Variants in CNTD1 observed in about 807,000 individuals in gnomAD.
CNTD1 encodes the protein cyclin N-terminal domain-containing protein 1.
Under a neutral mutation model 36.3 loss-of-function variants are expected in CNTD1, and 17 were observed. The ratio of observed to expected loss-of-function variants is 0.47; its 90% CI spans 0.32 to 0.70. CNTD1 has a LOEUF of 0.70. CNTD1 is among the 30% of genes least tolerant of loss of function. The pLI is 0.03. For synonymous variants in CNTD1, 128 were observed against 153.3 expected (o/e 0.83, Z 1.22); for missense variants, 338 against 386.1 (o/e 0.88, Z 1.04).
In CNTD1 at chr17:42,807,749, T is replaced by C; in HGVS notation, c.726-19T>C. The C allele has an allele frequency of 1.3e-6, 2 of 1,550,664 alleles. No individual in the cohort carries two copies. Among genetic ancestry groups the C allele is most frequent in the South Asian group, 2.2e-5 (2 of 89,668 alleles). On this transcript the variant is annotated intron_variant, in intron 5 of 6. Coordinates refer to ENST00000588408, the MANE Select transcript of CNTD1 (RefSeq NM_173478.3). ...AGTTCCATTCTAGCTTTAAAATTAA[T>C]GTGGTTTTAATCACTCAGGGAAAAG...
At chr17:42,801,450 C>A (rs2054781483) in intron 1 of CNTD1, among the ~76,000 whole-genome samples, 1 of 137,576 alleles carries the variant, frequency 7.3e-6, no homozygotes, top group Non-Finnish European at 1.5e-5. Context: ...GAGCCAAGAT[C>A]ACGCCATTGC....
Position 42,799,096 on chromosome 17 carries a change from C to G in CNTD1, c.29C>G (p.Ala10Gly). The G allele has an allele frequency of 1.2e-6, 2 of 1,614,048 alleles. No homozygotes were observed. The highest frequency in any genetic ancestry group is 8.5e-7 in the Non-Finnish European group (1 of 1,180,020). ...GACGGACCCATGAGGCCACGATCGG[C>G]CTCCCTCGTTGACTTTCAGTTTGGA... MDGPMRPRS[A>G]SLVDFQFGVV... The change falls in exon 1 of 7, where the codon GCC becomes GGC. Residue 10 changes from alanine (A) to glycine (G), a missense_variant. Ala to Gly is a moderately conservative substitution (Grantham distance 60). Transcript: ENST00000588408.
chr17:42,803,666 G>A lies in CNTD1; in HGVS notation c.216G>A (p.Val72=), dbSNP rs2054830470. 6.2e-7 allele frequency: 1 copy of A among 1,613,922 alleles called. No homozygotes were observed. Among genetic ancestry groups the A allele is most frequent in the Non-Finnish European group, 8.5e-7 (1 of 1,179,966 alleles). The part of the protein sequence containing the change: ...LSEQWCLEKS[V]SYQAVEILER... ...AACAATGGTGTCTGGAGAAATCTGT[G>A]AGCTACCAGGCTGTAGAAATCCTAG... The change falls in exon 2 of 7, where the codon GTG becomes GTA. Residue 72 remains valine, a synonymous_variant. Transcript: ENST00000588408.
chr17:42,799,020 T>C lies in CNTD1; in HGVS notation c.-48T>C, dbSNP rs1392211780. 9 of 1,602,252 alleles carry C rather than the reference T, an allele frequency of 5.6e-6. No homozygotes were observed. The Admixed American group carries it at 1.4e-4, about 25-fold the overall frequency. On this transcript the variant is annotated 5_prime_UTR_variant, in exon 1 of 7. Coordinates refer to ENST00000588408, the MANE Select transcript of CNTD1 (RefSeq NM_173478.3). ...ACTGGAGAGGAGCTAAGGGGGTCGGTATGTGGATCCAGTGAACCCGTCCAG... is the reference window on the plus strand; with the variant it reads ...ACTGGAGAGGAGCTAAGGGGGTCGGCATGTGGATCCAGTGAACCCGTCCAG...
At position 42,809,471 on chromosome 17, in the gene CNTD1, A is replaced by G. The variant is rs755388335; in HGVS notation, c.929A>G (p.Gln310Arg). Residue 310 changes from glutamine to arginine, a missense_variant, in exon 7 of 7, where the codon CAG becomes CGG. Transcript: ENST00000588408. ...HGVGANTPGR[Q>R]QSIPPHLAAR... The stretch of plus-strand genomic sequence containing the variant: ...GTGGGAGCCAACACTCCGGGGAGAC[A>G]GCAGTCTATTCCTCCCCACCTGGCA... 1.2e-6 allele frequency: 2 copies of G among 1,614,224 alleles called. No homozygotes were observed. Among genetic ancestry groups the G allele is most frequent in the African/African-American group, 1.3e-5 (1 of 75,070 alleles).
chr17:42,804,142 A>G, intron 2 of CNTD1, 83 bp from the exon 3 acceptor site: 2 of 1,325,998 alleles, frequency 1.5e-6, no homozygotes, highest in Non-Finnish European at 2.1e-6. Flanking sequence ...CTCAGCCTCA[A>G]ATGTAAATTT....
chr17:42,807,271 C>T (rs548226061), intron 5 of CNTD1, among the ~76,000 whole-genome samples: 11 of 152,112 alleles, frequency 7.2e-5, no homozygotes, highest in South Asian at 4.1e-4. Flanking sequence ...AAAAATTAGC[C>T]GGGCGTGGTG....
rs1334467220 is a variant in CNTD1 at position 42,807,790 on chromosome 17, G to T, written c.748G>T (p.Glu250Ter). 1 of 1,613,952 alleles carries T rather than the reference G, an allele frequency of 6.2e-7. No individual in the cohort carries two copies. Among genetic ancestry groups the T allele is most frequent in the South Asian group, 1.1e-5 (1 of 91,074 alleles). Residue 250 changes from glutamate to a stop codon, truncating the protein, a stop_gained, in exon 6 of 7, where the codon GAA becomes TAA. Coordinates refer to ENST00000588408, the MANE Select transcript of CNTD1 (RefSeq NM_173478.3). LOFTEE classifies it high-confidence loss of function. Reference protein sequence around the residue: ...LQGEKFTSVKEDFMLLAVGII... With the variant: ...LQGEKFTSVK ...CAGGGAAAAGTTTACTTCAGTGAAG[G>T]AAGACTTCATGCTGTTGGCAGTAGG...
At chr17:42,802,127 G>A (rs775873936) in intron 1 of CNTD1, among the ~76,000 whole-genome samples, 3 of 152,286 alleles carry the variant, frequency 2.0e-5, no homozygotes, top group Admixed American at 6.5e-5. Context: ...ATTCAACAGC[G>A]AGGCTGAGAT....
chr17:42,808,743 A>G (rs957903690), intron 6 of CNTD1, among the ~76,000 whole-genome samples: 2 of 149,906 alleles, frequency 1.3e-5, no homozygotes, highest in Admixed American at 1.3e-4. Context: ...CAAACAAACA[A>G]ACAAAACAAC....
intron 1 of CNTD1, among the ~76,000 whole-genome samples, chr17:42,801,799 GA>G (rs2054800912): frequency 6.6e-6 from 1 of 151,892 alleles, no homozygotes; most frequent in South Asian, 2.1e-4. Context: ...AGTTCCTTGG[GA>G]AAACACTTTG....
rs1420075617 is a variant in CNTD1, at chr17:42,811,439, C to G, written c.*1904C>G. 4.2e-6 allele frequency: 2 copies of G among 474,574 alleles called. No homozygotes were observed. The highest frequency in any genetic ancestry group is 4.2e-5 in the Admixed American group (1 of 23,840). 29.4% of individuals were successfully genotyped at this position (474,574 alleles called of 1,614,324 possible). On this transcript the variant is annotated 3_prime_UTR_variant, in exon 7 of 7. Transcript: ENST00000588408. ...CTCTATGCCAAGAAAACCCCCTAAA[C>G]CATCTAAGGCAACATTCTTCTACTC...
At chr17:42,802,406 CAG>C (rs1176619848) in intron 1 of CNTD1, among the ~76,000 whole-genome samples, 2 of 152,030 alleles carry the variant, frequency 1.3e-5, no homozygotes, top group Non-Finnish European at 2.9e-5. Context: ...AAATGGAAAA[CAG>C]AAACAAATGC....
rs552683465 is a variant in CNTD1, at chr17:42,802,760, C to T, written c.170-860C>T. Among the ~76,000 whole-genome samples, 5 of 152,330 alleles carry T rather than the reference C, an allele frequency of 3.3e-5. No individual in the cohort carries two copies. In the South Asian group the frequency reaches 8.3e-4, roughly 25 times the overall value. On this transcript the variant is annotated intron_variant, in intron 1 of 6. Transcript: ENST00000588408. Reference sequence around the variant, plus strand: ...ATTTGACTAAATGTGTAATTCTCTACGGATCAATGCTAAAAGGTCTTCAGT... The same window carrying T: ...ATTTGACTAAATGTGTAATTCTCTATGGATCAATGCTAAAAGGTCTTCAGT...
chr17:42,811,574 T>G lies in CNTD1; in HGVS notation c.*2039T>G. 1 of 1,535,650 alleles carries G rather than the reference T, an allele frequency of 6.5e-7. No individual in the cohort carries two copies. The highest frequency in any genetic ancestry group is 1.3e-5 in the South Asian group (1 of 78,714). The stretch of plus-strand genomic sequence containing the variant: ...TTTTGCTTTCCCACCATTTATACTG[T>G]TTTGCCTCCATTATTACTGCTGCTT... On this transcript the variant is annotated 3_prime_UTR_variant, in exon 7 of 7. Coordinates refer to ENST00000588408, the MANE Select transcript of CNTD1 (RefSeq NM_173478.3).
chr17:42,808,533 AGAGT>A (rs2054920345), intron 6 of CNTD1, among the ~76,000 whole-genome samples: 1 of 149,200 alleles, frequency 6.7e-6, no homozygotes, highest in South Asian at 2.1e-4. Flanking sequence ...CCTGGGAGAC[AGAGT>A]GAGACCCCAT....
rs1333349036 is a variant in CNTD1, at chr17:42,801,508, AAAATATAT to A, written c.170-2110_170-2103del. Among the ~76,000 whole-genome samples, 51 of 50,968 alleles carry A rather than the reference AAAATATAT, an allele frequency of 1.0e-3. 3 individuals are homozygous for A. Among genetic ancestry groups the A allele is most frequent in the African/African-American group, 7.0e-3 (46 of 6,528 alleles). The allele number at this position is 50,968 out of a possible 152,430, so 33.4% of individuals were successfully genotyped here. On this transcript the variant is annotated intron_variant, in intron 1 of 6. Transcript: ENST00000588408. Reference sequence around the variant, plus strand: ...GAGACCTTGTCTCAAAAAAAAAAAAAAAATATATATATATATATATATATATATATATA... The same window carrying A: ...GAGACCTTGTCTCAAAAAAAAAAAAAATATATATATATATATATATATATA...
rs2054871239 is a variant in CNTD1 at position 42,805,882 on chromosome 17, T to C, written c.578T>C (p.Leu193Ser). Residue 193 changes from leucine to serine, a missense_variant and splice_region_variant, in exon 4 of 7, where the codon TTA (leucine) becomes TCA (serine). Leu to Ser is a moderately radical substitution (Grantham distance 145). Transcript: ENST00000588408. Reference protein sequence around the residue: ...LAYVETLLEVLGYNGCLVPAM... With the variant: ...LAYVETLLEVSGYNGCLVPAM... ...TATGTGGAGACGCTCCTAGAGGTTT[T>C]AGGTATCTTACTGTGTTAGGGAATA... The C allele has an allele frequency of 1.2e-6, 2 of 1,609,706 alleles. No homozygotes were observed. The highest frequency in any genetic ancestry group is 1.3e-5 in the African/African-American group (1 of 74,630).
intron 6 of CNTD1, among the ~76,000 whole-genome samples, chr17:42,808,800 C>T (rs1039793695): frequency 2.1e-4 from 32 of 151,368 alleles, no homozygotes; most frequent in African/African-American, 7.8e-4. Flanking sequence ...GTAACTCCAG[C>T]ATTTTGGGAG....
Sources: gnomAD v4.1 joint callset for allele counts (sites outside exome capture counted in the v4.1 genomes callset) on GRCh38, gnomAD v4.1.1 for gene constraint, MANE v1.5 for transcripts, NCBI Gene and HGNC (gene_info 2026-07-23, HGNC 2026-07-21) for gene names.